NTNG1: variants seen among roughly 807,000 people sequenced by gnomAD.
The protein encoded by NTNG1 is netrin-G1.
In NTNG1, 16 loss-of-function variants were observed where a neutral mutation model predicts 54.0. That is an observed-to-expected ratio of 0.30 (90% confidence interval 0.20 to 0.45). NTNG1 has a LOEUF of 0.45. Among genes scored for constraint, NTNG1 ranks in the 20% least tolerant of loss-of-function variants. The probability of loss-of-function intolerance (pLI) is 1.00; values close to 1 mark genes in which losing one functional copy is unlikely to be tolerated. For missense variants in NTNG1, 530 were observed against 678.7 expected, an observed-to-expected ratio of 0.78 and a Z score of 2.43; for synonymous variants, 255 against 263.1, an observed-to-expected ratio of 0.97 and a Z score of 0.30.
At position 107,174,099 on chromosome 1, in the gene NTNG1, G is replaced by A. The variant is rs145335138; in HGVS notation, c.246+25260G>A. Among the ~76,000 whole-genome samples the A allele has an allele frequency of 6.5e-4, 99 of 152,094 alleles. 1 individual carries two copies. The highest frequency in any genetic ancestry group is 2.2e-3 in the African/African-American group (91 of 41,500). On this transcript the variant is annotated intron_variant, in intron 2 of 7. Coordinates refer to ENST00000370068, the MANE Select transcript of NTNG1 (RefSeq NM_001113226.3). ...ACAAATGGAAATTATCACCTTAATC[G>A]AATCACTAAATTATTGTTTAATTTA...
Position 107,356,434 on chromosome 1 carries a change from C to A in NTNG1, c.887+31512C>A, listed in dbSNP as rs373608678. Among the ~76,000 whole-genome samples the A allele has an allele frequency of 2.6e-5, 4 of 152,126 alleles. No individual in the cohort carries two copies. In the East Asian group the frequency reaches 5.9e-4, roughly 22 times the overall value. ...TCAGCCTCCCGAGTAGCTGCAATTACAGGCGCCCACCACCACACCTGGCTA... is the reference window on the plus strand; with the variant it reads ...TCAGCCTCCCGAGTAGCTGCAATTAAAGGCGCCCACCACCACACCTGGCTA... On this transcript the variant is annotated intron_variant, in intron 3 of 7. Coordinates refer to ENST00000370068, the MANE Select transcript of NTNG1 (RefSeq NM_001113226.3).
chr1:107,264,314 T>C (rs1054893209), intron 2 of NTNG1, among the ~76,000 whole-genome samples: 1 of 152,202 alleles, frequency 6.6e-6, no homozygotes, highest in African/African-American at 2.4e-5. Flanking sequence ...CCACACAATT[T>C]GTTGGAGGTT....
At position 107,407,717 on chromosome 1, in the gene NTNG1, A is replaced by C. The variant is rs371368522; in HGVS notation, c.1087+9A>C. The C allele has an allele frequency of 2.5e-6, 4 of 1,606,240 alleles. No individual in the cohort carries two copies. In the African/African-American group the frequency reaches 5.4e-5, roughly 22 times the overall value. On this transcript the variant is annotated intron_variant, in intron 5 of 7. Coordinates refer to ENST00000370068, the MANE Select transcript of NTNG1 (RefSeq NM_001113226.3). The stretch of plus-strand genomic sequence containing the variant: ...TATTTCCAGTATTGGTAGTAAGTAA[A>C]AACAAAAACAAAAAAAACACCAAAC...
rs1033605932 is a variant in NTNG1, at chr1:107,403,370, A to C, written c.1061-4312A>C. Among the ~76,000 whole-genome samples, 4 of 152,090 alleles carry C rather than the reference A, an allele frequency of 2.6e-5. No individual in the cohort carries two copies. The East Asian group carries it at 7.7e-4, about 29-fold the overall frequency. The stretch of plus-strand genomic sequence containing the variant: ...GAAGTGACATTTCTGTTCTAGAAGA[A>C]GCGTTATTATTAAAATAGTACTAAT... On this transcript the variant is annotated intron_variant, in intron 4 of 7. Transcript: ENST00000370068.
intron 2 of NTNG1, among the ~76,000 whole-genome samples, chr1:107,237,242 C>A (rs980729759): frequency 2.0e-5 from 3 of 152,052 alleles, no homozygotes; most frequent in African/African-American, 7.2e-5. Context: ...TTTGCCCCTG[C>A]CCTAGAGATT....
intron 3 of NTNG1, among the ~76,000 whole-genome samples, chr1:107,378,977 C>A (rs2101025258): frequency 6.6e-6 from 1 of 152,296 alleles, no homozygotes; most frequent in East Asian, 1.9e-4. Context: ...TATAACCCTG[C>A]AATAGAAAAA....
intron 3 of NTNG1, among the ~76,000 whole-genome samples, chr1:107,362,273 C>T (rs1433648916): frequency 2.6e-5 from 4 of 152,122 alleles, no homozygotes; most frequent in African/African-American, 9.7e-5. Context: ...AAAGGAATAA[C>T]TAAAATGGTG....
chr1:107,195,668 C>T (rs1484539823), intron 2 of NTNG1, among the ~76,000 whole-genome samples: 2 of 151,840 alleles, frequency 1.3e-5, no homozygotes, highest in East Asian at 1.9e-4. Context: ...CCCTTGCCCA[C>T]CTTTTTCCAG....
chr1:107,151,999 CAT>C (rs374098012), intron 2 of NTNG1, among the ~76,000 whole-genome samples: 2 of 151,286 alleles, frequency 1.3e-5, no homozygotes, highest in Admixed American at 6.6e-5. Flanking sequence ...TATGCACACA[CAT>C]ATATATATAC....
At chr1:107,164,018 A>C (rs998947755) in intron 2 of NTNG1, among the ~76,000 whole-genome samples, 2 of 152,220 alleles carry the variant, frequency 1.3e-5, no homozygotes, top group African/African-American at 4.8e-5. Flanking sequence ...ACTCAACAAA[A>C]CAAAACATTA....
chr1:107,215,083 C>G (rs1659864806), intron 2 of NTNG1, among the ~76,000 whole-genome samples: 1 of 152,018 alleles, frequency 6.6e-6, no homozygotes, highest in African/African-American at 2.4e-5. Context: ...TGTGGGTTGT[C>G]TGTTTACTCT....
chr1:107,166,393 A>G (rs1211375521), intron 2 of NTNG1, among the ~76,000 whole-genome samples: 1 of 152,196 alleles, frequency 6.6e-6, no homozygotes, highest in African/African-American at 2.4e-5. Context: ...CCAATACATA[A>G]TATACTACCA....
At chr1:107,155,038 T>C (rs17505643) in intron 2 of NTNG1, among the ~76,000 whole-genome samples, 33,432 of 151,984 alleles carry the variant, frequency 0.22, 3,912 homozygotes, top group South Asian at 0.3. Flanking sequence ...GCTTTTAATC[T>C]AGAGGATCAT....
intron 2 of NTNG1, among the ~76,000 whole-genome samples, chr1:107,269,187 G>A (rs992807067): frequency 7.9e-5 from 12 of 152,086 alleles, no homozygotes; most frequent in African/African-American, 2.7e-4. Context: ...AAATCCTGTA[G>A]GACTCTCTTT....
chr1:107,215,649 G>C (rs1253809232), intron 2 of NTNG1, among the ~76,000 whole-genome samples: 4 of 151,918 alleles, frequency 2.6e-5, no homozygotes, highest in African/African-American at 4.8e-5. Context: ...TATGAATTTT[G>C]AGATTTGTTT....
At chr1:107,226,972 A>G (rs937203675) in intron 2 of NTNG1, among the ~76,000 whole-genome samples, 3 of 152,088 alleles carry the variant, frequency 2.0e-5, no homozygotes, top group African/African-American at 7.2e-5. Flanking sequence ...GGAATTCCTG[A>G]ATCCACATCT....
rs546892479 is a variant in NTNG1 at position 107,320,132 on chromosome 1, A to T, written c.247-4150A>T. 5.1e-4 allele frequency among the ~76,000 whole-genome samples: 77 copies of T among 152,276 alleles called. 1 individual carries two copies. Among genetic ancestry groups the T allele is most frequent in the African/African-American group, 1.9e-3 (77 of 41,560 alleles). ...TAAAATATTAACATTTTAAAAATGA[A>T]ATTAAACATCACAATCTTCTTCTAA... On this transcript the variant is annotated intron_variant, in intron 2 of 7. Coordinates refer to ENST00000370068, the MANE Select transcript of NTNG1 (RefSeq NM_001113226.3).
chr1:107,448,809 A>G (rs1326222676), intron 7 of NTNG1, among the ~76,000 whole-genome samples: 1 of 152,118 alleles, frequency 6.6e-6, no homozygotes, highest in Non-Finnish European at 1.5e-5. Flanking sequence ...TTAAAATAAG[A>G]AAAACCATGA....
intron 2 of NTNG1, among the ~76,000 whole-genome samples, chr1:107,248,334 G>T (rs1662336356): frequency 6.6e-6 from 1 of 152,166 alleles, no homozygotes; most frequent in Admixed American, 6.5e-5. Context: ...ATGTCACAAT[G>T]CTATTGGGTT....
Sources: allele counts gnomAD v4.1 joint callset (sites outside exome capture counted in the v4.1 genomes callset), GRCh38; gene constraint gnomAD v4.1.1; transcripts MANE v1.5; gene names NCBI Gene and HGNC (gene_info 2026-07-23, HGNC 2026-07-21).